EPHB1: variants seen among roughly 807,000 people sequenced by gnomAD.
EPHB1 encodes the protein EPH receptor B1, also known as ephrin type-B receptor 1.
Under a neutral mutation model 94.4 loss-of-function variants are expected in EPHB1, and 30 were observed. The observed-to-expected ratio is 0.32, with a 90% CI of 0.24 to 0.43. The LOEUF (loss-of-function observed/expected upper bound fraction) is 0.43. Among genes scored for constraint, EPHB1 ranks in the 20% least tolerant of loss-of-function variants. EPHB1 has a pLI of 1.00. For missense variants in EPHB1, 1,055 were observed against 1,308.3 expected (o/e 0.81, Z 2.99); for synonymous variants, 522 against 489.1 (o/e 1.07, Z -0.89).
intron 1 of EPHB1, among the ~76,000 whole-genome samples, chr3:134,869,533 G>A (rs1398921965): frequency 2.0e-5 from 3 of 152,204 alleles, no homozygotes; most frequent in African/African-American, 7.2e-5. Flanking sequence ...CTGAGGTCAA[G>A]GGGATGTGAT....
Position 135,135,451 on chromosome 3 carries a change from C to T in EPHB1, c.1297+2402C>T, listed in dbSNP as rs150108624. On this transcript the variant is annotated intron_variant, in intron 5 of 15. Coordinates refer to ENST00000398015, the MANE Select transcript of EPHB1 (RefSeq NM_004441.5). The stretch of plus-strand genomic sequence containing the variant: ...AACTTCTGTGAGAACAGTTTAGAAC[C>T]ATGAACAGAAGCTATGCATTTTACC... Among the ~76,000 whole-genome samples, 39 of 152,216 alleles carry T rather than the reference C, an allele frequency of 2.6e-4. No homozygotes were observed. In the East Asian group the frequency reaches 7.0e-3, roughly 27 times the overall value.
intron 3 of EPHB1, among the ~76,000 whole-genome samples, chr3:134,994,748 C>A (rs1047081803): frequency 6.6e-6 from 1 of 152,142 alleles, no homozygotes; most frequent in South Asian, 2.1e-4. Context: ...TAAGCACTTT[C>A]TTTGTTACAT....
intron 2 of EPHB1, among the ~76,000 whole-genome samples, chr3:134,939,386 G>T (rs1282034433): frequency 6.6e-6 from 1 of 151,610 alleles, no homozygotes; most frequent in African/African-American, 2.4e-5. Flanking sequence ...GGGGGTGGGG[G>T]GGTGGCATTC....
In EPHB1 at chr3:134,797,622, C is replaced by G. The variant is rs1427519850; in HGVS notation, c.58+1933C>G. On this transcript the variant is annotated intron_variant, in intron 1 of 15. Transcript: ENST00000398015. ...AACACAGCAGGCATGAGGACGTGGTCAGTTTCCTCCCTGCCCCTCTTCTTG... is the reference window on the plus strand; with the variant it reads ...AACACAGCAGGCATGAGGACGTGGTGAGTTTCCTCCCTGCCCCTCTTCTTG... Among the ~76,000 whole-genome samples, 7 of 152,280 alleles carry G rather than the reference C, an allele frequency of 4.6e-5. No individual in the cohort carries two copies. The South Asian group carries it at 1.4e-3, about 32-fold the overall frequency.
chr3:135,240,941 A>G (rs1189342491), intron 12 of EPHB1, among the ~76,000 whole-genome samples: 2 of 152,164 alleles, frequency 1.3e-5, no homozygotes, highest in Non-Finnish European at 2.9e-5. Context: ...ATGAGGCTAG[A>G]AGCCAGCACA....
intron 3 of EPHB1, among the ~76,000 whole-genome samples, chr3:135,092,516 A>C (rs147061915): frequency 5.9e-5 from 9 of 152,230 alleles, no homozygotes; most frequent in Non-Finnish European, 1.2e-4. Flanking sequence ...CCCTCTGAGA[A>C]CTGATACTGT....
chr3:135,177,256 C>T (rs1240553510), intron 9 of EPHB1, among the ~76,000 whole-genome samples: 4 of 152,200 alleles, frequency 2.6e-5, no homozygotes, highest in African/African-American at 9.7e-5. Context: ...GTCCCAGCAT[C>T]TGGGCTGTTT....
At position 134,882,765 on chromosome 3, in the gene EPHB1, C is replaced by CTTTCTTTCTTTCTTTCTTTCT. The variant is rs1553861895; in HGVS notation, c.59-43051_59-43050insTTTCTTTCTTTCTTTCTTTCT. On this transcript the variant is annotated intron_variant, in intron 1 of 15. Transcript: ENST00000398015. Reference sequence around the variant, plus strand: ...TTCTTTCTTCCTTTCTTCCTTCCTTCCTTTCTTTCTTTCTTTCTTTCTTTC... The same window carrying CTTTCTTTCTTTCTTTCTTTCT: ...TTCTTTCTTCCTTTCTTCCTTCCTTCTTTCTTTCTTTCTTTCTTTCTCTTTCTTTCTTTCTTTCTTTCTTTC... Among the ~76,000 whole-genome samples the CTTTCTTTCTTTCTTTCTTTCT allele has an allele frequency of 3.6e-4, 29 of 79,882 alleles. 1 individual carries two copies. Among genetic ancestry groups the CTTTCTTTCTTTCTTTCTTTCT allele is most frequent in the African/African-American group, 1.3e-3 (28 of 22,248 alleles). 52.4% of individuals were successfully genotyped at this position (79,882 alleles called of 152,430 possible).
chr3:134,959,715 A>G (rs998007902), intron 3 of EPHB1, among the ~76,000 whole-genome samples: 5 of 152,128 alleles, frequency 3.3e-5, no homozygotes, highest in African/African-American at 2.4e-5. Context: ...TCAGAGGGCA[A>G]TCTGAGGCTC....
intron 1 of EPHB1, among the ~76,000 whole-genome samples, chr3:134,885,999 C>T (rs1041908331): frequency 1.3e-5 from 2 of 152,192 alleles, no homozygotes; most frequent in African/African-American, 2.4e-5. Flanking sequence ...CCTCATGGAG[C>T]TGAGCATCGG....
chr3:134,795,619 C>A lies in EPHB1; in HGVS notation c.-13C>A. The A allele has an allele frequency of 6.2e-7, 1 of 1,603,208 alleles. No individual in the cohort carries two copies. The highest frequency in any genetic ancestry group is 8.5e-7 in the Non-Finnish European group (1 of 1,176,010). On this transcript the variant is annotated 5_prime_UTR_variant, in exon 1 of 16. Transcript: ENST00000398015. ...CCTCGGCTTGGTCTCGGCCTGCGGGCCGTCGGCCGGCGATGGCCCTGGATT... is the reference window on the plus strand; with the variant it reads ...CCTCGGCTTGGTCTCGGCCTGCGGGACGTCGGCCGGCGATGGCCCTGGATT...
At chr3:135,024,581 C>A (rs965030181) in intron 3 of EPHB1, among the ~76,000 whole-genome samples, 11 of 152,222 alleles carry the variant, frequency 7.2e-5, no homozygotes, top group African/African-American at 2.7e-4. Context: ...ATCCATCCTA[C>A]ACCGGGGGGT....
chr3:135,105,621 A>G (rs1169977423), intron 3 of EPHB1, among the ~76,000 whole-genome samples: 1 of 152,176 alleles, frequency 6.6e-6, no homozygotes, highest in African/African-American at 2.4e-5. Context: ...GACTCATTAT[A>G]GGCTGATCCC....
intron 9 of EPHB1, among the ~76,000 whole-genome samples, chr3:135,178,225 G>C (rs1029682095): frequency 2.1e-5 from 1 of 48,360 alleles, no homozygotes; most frequent in African/African-American, 7.7e-5. Flanking sequence ...AGGCCGGGGA[G>C]GGGGGGTGGA....
chr3:134,883,798 G>A (rs375662095), intron 1 of EPHB1, among the ~76,000 whole-genome samples: 2 of 152,140 alleles, frequency 1.3e-5, no homozygotes, highest in African/African-American at 2.4e-5. Context: ...CAGTGAGGCC[G>A]GAGACTCAGA....
chr3:135,113,670 T>A (rs1323944909), intron 4 of EPHB1, among the ~76,000 whole-genome samples: 1 of 152,212 alleles, frequency 6.6e-6, no homozygotes, highest in Non-Finnish European at 1.5e-5. Context: ...AGGCACTCCT[T>A]CCTCACTCCT....
At chr3:135,020,652 T>C (rs1375069915) in intron 3 of EPHB1, among the ~76,000 whole-genome samples, 2 of 152,258 alleles carry the variant, frequency 1.3e-5, no homozygotes, top group African/African-American at 2.4e-5. Flanking sequence ...TAAATTTTTA[T>C]GTATTGACTG....
chr3:134,951,583 G>T lies in EPHB1; in HGVS notation c.336G>T (p.Leu112Phe). 6.2e-7 allele frequency: 1 copy of T among 1,613,996 alleles called. No individual in the cohort carries two copies. Among genetic ancestry groups the T allele is most frequent in the Non-Finnish European group, 8.5e-7 (1 of 1,179,912 alleles). Residue 112 changes from leucine to phenylalanine, a missense_variant, in exon 3 of 16, where the codon TTG (leucine) becomes TTT (phenylalanine). By Grantham distance (22) the Leu-to-Phe change is conservative (BLOSUM62 0). Coordinates refer to ENST00000398015, the MANE Select transcript of EPHB1 (RefSeq NM_004441.5). The surrounding 1 kb of genome is among the most constrained non-coding windows in gnomAD (Gnocchi z 4.5). ...GATCCTGCAAGGAGACCTTCAACTT[G>T]TATTACTATGAGACTGACTCTGTCA... ...VPGSCKETFN[L>F]YYYETDSVIA...
chr3:134,974,181 C>G (rs1481858430), intron 3 of EPHB1, among the ~76,000 whole-genome samples: 4 of 152,166 alleles, frequency 2.6e-5, no homozygotes, highest in African/African-American at 9.7e-5. Flanking sequence ...ATCCAAGACT[C>G]AGTCACAGGT....
Sources: gnomAD v4.1 joint callset for allele counts (sites outside exome capture counted in the v4.1 genomes callset) on GRCh38, gnomAD v4.1.1 for gene constraint, Gnocchi (gnomAD v3.1) non-coding constraint, MANE v1.5 for transcripts, NCBI Gene and HGNC (gene_info 2026-07-23, HGNC 2026-07-21) for gene names.